The following RTKN variants were observed in gnomAD, a reference collection of about 807,000 sequenced individuals.
RTKN encodes the protein rhotekin.
A neutral mutation model predicts 63.5 loss-of-function variants in RTKN; 49 were observed. That is an observed-to-expected ratio of 0.77 (90% CI 0.61 to 0.98). The LOEUF is 0.98. Among genes scored for constraint, RTKN ranks in the 50% least tolerant of loss-of-function variants. The pLI, the probability that RTKN is intolerant of heterozygous loss-of-function variation, is 0.00. For synonymous variants in RTKN, 295 were observed against 290.4 expected, an observed-to-expected ratio of 1.02 and a Z score of -0.16; for missense variants, 685 against 740.8, an observed-to-expected ratio of 0.92 and a Z score of 0.87.
At chr2:74,434,527 G>A (rs559038395) in intron 1 of RTKN, among the ~76,000 whole-genome samples, 1 of 152,132 alleles carries the variant, frequency 6.6e-6, no homozygotes, top group South Asian at 2.1e-4. Context: ...TGATCCACCC[G>A]CCTTGGCCTC....
chr2:74,428,035 G>A (rs1261455452), intron 9 of RTKN: 6 of 580,962 alleles, frequency 1.0e-5, no homozygotes, highest in Admixed American at 3.0e-5. Flanking sequence ...CTGCAGGCGA[G>A]AGAACCCTCT....
At position 74,426,117 on chromosome 2, in the gene RTKN, C is replaced by G. The variant is rs2103866896; in HGVS notation, c.*126G>C. 2 of 863,226 alleles carry G rather than the reference C, an allele frequency of 2.3e-6. No individual in the cohort carries two copies. Among genetic ancestry groups the G allele is most frequent in the African/African-American group, 3.4e-5 (2 of 59,594 alleles). The allele number at this position is 863,226 out of a possible 1,614,324, so 53.5% of individuals were successfully genotyped here. A position where few individuals can be genotyped will look rare whatever the true frequency, so the allele number is the denominator to read the frequency against. On this transcript the variant is annotated 3_prime_UTR_variant, in exon 12 of 12. Transcript: ENST00000272430. Reference sequence around the variant, plus strand: ...CTTCTGCCCACCCCTGCAGCCTACCCCAGGTCCAGCAGAGGAACAGGAGGC... The same window carrying G: ...CTTCTGCCCACCCCTGCAGCCTACCGCAGGTCCAGCAGAGGAACAGGAGGC...
intron 1 of RTKN, among the ~76,000 whole-genome samples, chr2:74,433,222 G>A (rs530371002): frequency 7.6e-5 from 11 of 145,134 alleles, no homozygotes; most frequent in East Asian, 2.0e-4. Flanking sequence ...CAGCCTGGAC[G>A]ACAGAGCAAG....
chr2:74,428,769 G>A (rs1448271929), intron 7 of RTKN, 32 bp from the exon 8 acceptor site: 1 of 1,608,834 alleles, frequency 6.2e-7, no homozygotes. Flanking sequence ...GGTGAGGTAG[G>A]GGAATGAGAA....
intron 2 of RTKN, chr2:74,432,130 T>C (rs758652955): frequency 2.3e-6 from 1 of 430,422 alleles, no homozygotes; most frequent in Non-Finnish European, 4.4e-6. Context: ...TGAACCAGCG[T>C]TGAGGAAATT....
Position 74,439,809 on chromosome 2 carries a change from G to GACAAAT in RTKN, c.111+1891_111+1896dup, listed in dbSNP as rs1439337429. ...CCTGTTAAACCCCTCTGGCTGCTGT[G>GACAAAT]ACAAATTTTCCTCGCCCACTGCTGC... On this transcript the variant is annotated intron_variant, in intron 1 of 11. Transcript: ENST00000272430. The GACAAAT allele has an allele frequency of 8.5e-6, 12 of 1,406,854 alleles. No individual in the cohort carries two copies. The East Asian group carries it at 3.1e-4, about 36-fold the overall frequency. 87.1% of individuals were successfully genotyped at this position (1,406,854 alleles called of 1,614,324 possible).
intron 11 of RTKN, chr2:74,426,862 C>T: frequency 7.5e-7 from 1 of 1,337,528 alleles, no homozygotes; most frequent in Non-Finnish European, 9.5e-7. Flanking sequence ...CGGTGCCAGG[C>T]AAGTGAGGGG....
chr2:74,427,632 T>C (rs764914240), intron 9 of RTKN, 40 bp from the exon 10 acceptor site: 2 of 1,592,108 alleles, frequency 1.3e-6, no homozygotes, highest in South Asian at 1.1e-5. Context: ...TCACAGAAGT[T>C]GGCAGTGACA....
chr2:74,430,084 GCA>G (rs1558542428), intron 5 of RTKN, 47 bp from the exon 6 acceptor site: 3 of 1,604,332 alleles, frequency 1.9e-6, no homozygotes, highest in African/African-American at 2.7e-5. Flanking sequence ...GTCCAGGGAG[GCA>G]GAGGGTAGGG....
rs1384897731 is a variant in RTKN at position 74,436,319 on chromosome 2, T to C, written c.112-3653A>G. On this transcript the variant is annotated intron_variant, in intron 1 of 11. Coordinates refer to ENST00000272430, the MANE Select transcript of RTKN (RefSeq NM_001015055.2). This position sits in a 1 kb window ranked among gnomAD's most constrained non-coding sequence, Gnocchi z 4.3. Reference sequence around the variant, plus strand: ...AATCGGAGGAGCCAGGGCGCCAGCATAGCTGCACCGCCTCCAGCTGCAGCG... The same window carrying C: ...AATCGGAGGAGCCAGGGCGCCAGCACAGCTGCACCGCCTCCAGCTGCAGCG... Among the ~76,000 whole-genome samples the C allele has an allele frequency of 1.3e-5, 2 of 152,204 alleles. No homozygotes were observed. The highest frequency in any genetic ancestry group is 2.1e-4 in the South Asian group (1 of 4,832).
chr2:74,436,037 G>T lies in RTKN; in HGVS notation c.112-3371C>A, dbSNP rs1017732353. Among the ~76,000 whole-genome samples the T allele has an allele frequency of 1.3e-5, 2 of 152,006 alleles. No individual in the cohort carries two copies. Among genetic ancestry groups the T allele is most frequent in the Non-Finnish European group, 2.9e-5 (2 of 68,034 alleles). ...AGGTCCTCCCAGTCTAGTTTTGTCTGCACCAGGGTTCTGCGCTGCCCGACA... is the reference window on the plus strand; with the variant it reads ...AGGTCCTCCCAGTCTAGTTTTGTCTTCACCAGGGTTCTGCGCTGCCCGACA... On this transcript the variant is annotated intron_variant, in intron 1 of 11. Transcript: ENST00000272430. This position sits in a 1 kb window ranked among gnomAD's most constrained non-coding sequence, Gnocchi z 4.3.
At chr2:74,429,680 T>C (rs777255641) in intron 6 of RTKN, 148 bp downstream of exon 6, 3 of 768,030 alleles carry the variant, frequency 3.9e-6, no homozygotes, top group African/African-American at 1.7e-5. Context: ...CTGGAATGCC[T>C]CCCAGCTACG....
At chr2:74,430,824 G>A (rs981107416) in intron 2 of RTKN, 147 bp from the exon 3 acceptor site, 3 of 744,654 alleles carry the variant, frequency 4.0e-6, no homozygotes, top group Admixed American at 5.9e-5. Flanking sequence ...GGGACTATAA[G>A]GGAAAGTTGT....
Position 74,425,852 on chromosome 2 carries a change from G to A in RTKN, c.*391C>T, listed in dbSNP as rs899392176. 118 of 1,349,194 alleles carry A rather than the reference G, an allele frequency of 8.7e-5. No homozygotes were observed. The highest frequency in any genetic ancestry group is 1.1e-4 in the Non-Finnish European group (104 of 989,616). The allele number at this position is 1,349,194 out of a possible 1,614,324, so 83.6% of individuals were successfully genotyped here. ...GGCAGGTCTAGACCAGGCAGAGAGA[G>A]GCACCCTGTCCTCAGGAGCCAGGTG... On this transcript the variant is annotated 3_prime_UTR_variant, in exon 12 of 12. Coordinates refer to ENST00000272430, the MANE Select transcript of RTKN (RefSeq NM_001015055.2).
intron 1 of RTKN, chr2:74,440,546 G>A: frequency 1.0e-6 from 1 of 986,056 alleles, no homozygotes; most frequent in African/African-American, 1.7e-5. Flanking sequence ...GCGGCCGCCA[G>A]GCCCTGCGGC....
chr2:74,440,932 G>A (rs367824596), intron 1 of RTKN, among the ~76,000 whole-genome samples: 2 of 152,216 alleles, frequency 1.3e-5, no homozygotes, highest in African/African-American at 4.8e-5. Context: ...CTTGGAACTG[G>A]GCTCTCCTTG....
At position 74,426,257 on chromosome 2, in the gene RTKN, G is replaced by T. The variant is rs1467273132; in HGVS notation, c.1678C>A (p.Gln560Lys). The T allele has an allele frequency of 6.2e-7, 1 of 1,613,984 alleles. No homozygotes were observed. Among genetic ancestry groups the T allele is most frequent in the East Asian group, 2.2e-5 (1 of 44,874 alleles). The change falls in exon 12 of 12, where the codon CAG (glutamine) becomes AAG (lysine). Residue 560 changes from glutamine (Q) to lysine (K), a missense_variant. Transcript: ENST00000272430. ...CSKGQPRTWL[Q>K]SPV is the part of the protein sequence containing the mutation. ...ACCTTTCTCTCTCACACTGGTGACT[G>T]GAGCCAAGTGCGAGGTTGGCCTTTG...
chr2:74,441,179 G>A (rs1671346101), intron 1 of RTKN, among the ~76,000 whole-genome samples: 1 of 152,252 alleles, frequency 6.6e-6, no homozygotes, highest in Admixed American at 6.5e-5. Flanking sequence ...GTAACCCCAA[G>A]GAGTTAAAAG....
chr2:74,429,814 G>C lies in RTKN; in HGVS notation c.755+14C>G. 1 of 1,610,442 alleles carries C rather than the reference G, an allele frequency of 6.2e-7. No homozygotes were observed. The highest frequency in any genetic ancestry group is 8.5e-7 in the Non-Finnish European group (1 of 1,177,772). On this transcript the variant is annotated intron_variant, in intron 6 of 11. Transcript: ENST00000272430. ...ACAGGCAGCTGAGGGTGGTGTCGGT[G>C]TGCAAGGCCTTACCCAACAACTGGG...
Sources: gnomAD v4.1 joint callset for allele counts (sites outside exome capture counted in the v4.1 genomes callset) on GRCh38, gnomAD v4.1.1 for gene constraint, Gnocchi (gnomAD v3.1) non-coding constraint, MANE v1.5 for transcripts, NCBI Gene and HGNC (gene_info 2026-07-23, HGNC 2026-07-21) for gene names.